The following SLFN12 variants were observed in gnomAD, a reference collection of about 807,000 sequenced individuals.
SLFN12 encodes ribonuclease SLFN12.
A neutral mutation model predicts 29.1 loss-of-function variants in SLFN12; 25 were observed. That is an observed-to-expected ratio of 0.86 (90% confidence interval 0.63 to 1.20). The LOEUF is 1.20. Among genes scored for constraint, SLFN12 ranks in the 50% most tolerant of loss-of-function variants. SLFN12 has a pLI of 0.00. For missense variants in SLFN12, 660 were observed against 666.2 expected, an observed-to-expected ratio of 0.99 and a Z score of 0.10; for synonymous variants, 257 against 238.7, an observed-to-expected ratio of 1.08 and a Z score of -0.71.
intron 3 of SLFN12, among the ~76,000 whole-genome samples, chr17:35,414,045 A>G (rs1911185960): frequency 6.6e-6 from 1 of 152,142 alleles, no homozygotes; most frequent in African/African-American, 2.4e-5. Context: ...ATGGTGAAAC[A>G]TTGAAAGCTT....
intron 2 of SLFN12, 44 bp from the exon 3 acceptor site, chr17:35,420,425 A>C: frequency 1.6e-6 from 2 of 1,214,840 alleles, no homozygotes; most frequent in Non-Finnish European, 2.4e-6. Context: ...CAGAAGGGAG[A>C]CCCCAACTAA....
In SLFN12 at chr17:35,420,312, G is replaced by T; in HGVS notation, c.1109C>A (p.Pro370His). Residue 370 changes from proline to histidine, a missense_variant, in exon 3 of 4, where the codon CCT becomes CAT. Pro to His is a moderately conservative substitution (Grantham distance 77, BLOSUM62 -2). Transcript: ENST00000304905. ...NTSLPAPHSWPLLEWQRQRHH... is the reference protein window; with the variant it reads ...NTSLPAPHSWHLLEWQRQRHH... ...TCTCTGCCGTTGCCATTCCAAAAGA[G>T]GCCAACTGTGGGGAGCAGGTAATGA... The T allele has an allele frequency of 6.2e-7, 1 of 1,613,732 alleles. No homozygotes were observed. The highest frequency in any genetic ancestry group is 8.5e-7 in the Non-Finnish European group (1 of 1,179,770).
intron 1 of SLFN12, among the ~76,000 whole-genome samples, chr17:35,429,004 C>T (rs1055518805): frequency 2.0e-5 from 3 of 152,080 alleles, no homozygotes; most frequent in African/African-American, 7.2e-5. Context: ...AGGCGCACAG[C>T]CCCAGCCCTA....
intron 3 of SLFN12, among the ~76,000 whole-genome samples, chr17:35,416,034 A>G (rs1044224781): frequency 3.3e-5 from 5 of 152,170 alleles, no homozygotes; most frequent in African/African-American, 1.2e-4. Context: ...ATAAGTCATT[A>G]CATGAGAAAG....
At chr17:35,431,481 A>T (rs1912313553) in intron 1 of SLFN12, among the ~76,000 whole-genome samples, 1 of 152,130 alleles carries the variant, frequency 6.6e-6, no homozygotes, top group East Asian at 1.9e-4. Context: ...GGAAGAGAAA[A>T]TTCTAAGGAG....
intron 1 of SLFN12, among the ~76,000 whole-genome samples, chr17:35,425,441 C>A (rs1911950455): frequency 6.6e-6 from 1 of 152,042 alleles, no homozygotes; most frequent in African/African-American, 2.4e-5. Context: ...CCATCTTCCC[C>A]CAGTAACCAC....
chr17:35,420,328 C>A lies in SLFN12; in HGVS notation c.1093G>T (p.Ala365Ser), dbSNP rs1167687716. Residue 365 changes from alanine (A) to serine (S), a missense_variant, in exon 3 of 4, where the codon GCT becomes TCT. By Grantham distance (99) the Ala-to-Ser change is moderately conservative. Transcript: ENST00000304905. ...VISQINTSLP[A>S]PHSWPLLEWQ... ...TCCAAAAGAGGCCAACTGTGGGGAGCAGGTAATGACGTATTTATTTGAGAG... is the reference window on the plus strand; with the variant it reads ...TCCAAAAGAGGCCAACTGTGGGGAGAAGGTAATGACGTATTTATTTGAGAG... 6.2e-7 allele frequency: 1 copy of A among 1,613,854 alleles called. No homozygotes were observed. The highest frequency in any genetic ancestry group is 8.5e-7 in the Non-Finnish European group (1 of 1,179,842).
chr17:35,421,006 G>A (rs1247234516), intron 2 of SLFN12, among the ~76,000 whole-genome samples: 2 of 151,806 alleles, frequency 1.3e-5, no homozygotes, highest in South Asian at 2.1e-4. Context: ...TCAAGAGTTC[G>A]AGACCAGCCT....
At chr17:35,421,378 G>C (rs1330799131) in intron 2 of SLFN12, among the ~76,000 whole-genome samples, 1 of 151,600 alleles carries the variant, frequency 6.6e-6, no homozygotes, top group Non-Finnish European at 1.5e-5. Flanking sequence ...ATTAAACGGG[G>C]TTTCCTTCAA....
At chr17:35,424,437 C>T (rs1911886434) in intron 1 of SLFN12, among the ~76,000 whole-genome samples, 1 of 151,722 alleles carries the variant, frequency 6.6e-6, no homozygotes, top group African/African-American at 2.4e-5. Context: ...TTAAGTGTAA[C>T]TTTTAAGTTA....
chr17:35,426,300 G>A (rs756212115), intron 1 of SLFN12, among the ~76,000 whole-genome samples: 2 of 151,934 alleles, frequency 1.3e-5, no homozygotes, highest in Non-Finnish European at 2.9e-5. Flanking sequence ...TTGGTTTGAT[G>A]TAATCCCATT....
rs12950950 is a variant in SLFN12, at chr17:35,424,589, C to T, written c.-40-1521G>A. Among the ~76,000 whole-genome samples, 633 of 152,212 alleles carry T rather than the reference C, an allele frequency of 4.2e-3. 8 individuals carry two copies. The highest frequency in any genetic ancestry group is 0.014 in the African/African-American group (589 of 41,548). ...TAAAGTCCATCATAGGTAGTAATTGCTATACTAGAAAAGGAATGTAAAGGG... is the reference window on the plus strand; with the variant it reads ...TAAAGTCCATCATAGGTAGTAATTGTTATACTAGAAAAGGAATGTAAAGGG... On this transcript the variant is annotated intron_variant, in intron 1 of 3. Transcript: ENST00000304905.
chr17:35,429,606 C>T (rs772124092), intron 1 of SLFN12, among the ~76,000 whole-genome samples: 30 of 151,980 alleles, frequency 2.0e-4, no homozygotes, highest in Non-Finnish European at 2.4e-4. Context: ...GGAAAGGAGA[C>T]AGCATTCAGA....
Position 35,420,274 on chromosome 17 carries a change from C to G in SLFN12, c.1147G>C (p.Gly383Arg). The G allele has an allele frequency of 6.2e-7, 1 of 1,606,348 alleles. No individual in the cohort carries two copies. The highest frequency in any genetic ancestry group is 8.5e-7 in the Non-Finnish European group (1 of 1,173,548). Residue 383 changes from glycine (G) to arginine (R), a missense_variant and splice_region_variant, in exon 3 of 4, where the codon GGG becomes CGG. By Grantham distance (125) the Gly-to-Arg change is moderately radical. Transcript: ENST00000304905. ...TCCGAAGAAGCCAGAATGAAATTAC[C>G]TGGACAGTGATGTCTCTGCCGTTGC... ...EWQRQRHHCP[G>R]LSGRITYTPE...
At chr17:35,421,873 A>T in intron 2 of SLFN12, 117 bp downstream of exon 2, 1 of 1,336,366 alleles carries the variant, frequency 7.5e-7, no homozygotes, top group Non-Finnish European at 1.0e-6. Context: ...TCCACCAGGG[A>T]TTAATAGTTT....
intron 2 of SLFN12, among the ~76,000 whole-genome samples, chr17:35,421,473 G>A (rs1182078234): frequency 6.6e-6 from 1 of 150,468 alleles, no homozygotes; most frequent in Admixed American, 6.6e-5. Flanking sequence ...TAGATGATGT[G>A]CTTATTTTAT....
At position 35,420,251 on chromosome 17, in the gene SLFN12, C is replaced by T. The variant is rs759075722; in HGVS notation, c.1147+23G>A. On this transcript the variant is annotated intron_variant, in intron 3 of 3. Transcript: ENST00000304905. Reference sequence around the variant, plus strand: ...TTGACTACAGTCACACTAACAAATCCGAAGAAGCCAGAATGAAATTACCTG... The same window carrying T: ...TTGACTACAGTCACACTAACAAATCTGAAGAAGCCAGAATGAAATTACCTG... 1.7e-5 allele frequency: 26 copies of T among 1,562,356 alleles called. 1 individual carries two copies. The South Asian group carries it at 2.9e-4, about 18-fold the overall frequency.
chr17:35,425,366 C>T (rs1911942707), intron 1 of SLFN12, among the ~76,000 whole-genome samples: 1 of 152,030 alleles, frequency 6.6e-6, no homozygotes, highest in Non-Finnish European at 1.5e-5. Flanking sequence ...TACAATAGAG[C>T]TCTTGAACTT....
At chr17:35,425,838 CTTTTTTTTTTTTTT>C (rs58492425) in intron 1 of SLFN12, among the ~76,000 whole-genome samples, 1 of 39,158 alleles carries the variant, frequency 2.6e-5, no homozygotes, top group Non-Finnish European at 4.6e-5. Flanking sequence ...CTTTTCTTTT[CTTTTTTTTTTTTTT>C]TTTTTTTTTT....
Sources: allele counts gnomAD v4.1 joint callset (sites outside exome capture counted in the v4.1 genomes callset), GRCh38; gene constraint gnomAD v4.1.1; transcripts MANE v1.5; gene names NCBI Gene and HGNC (gene_info 2026-07-23, HGNC 2026-07-21).